The following ERH variants were observed in gnomAD, a reference collection of about 807,000 sequenced individuals.
ERH encodes ERH mRNA splicing and mitosis factor, also known as enhancer of rudimentary homolog.
ERH carries 1 observed loss-of-function variant against 16.8 expected under a neutral mutation model. That is an observed-to-expected ratio of 0.06 (90% CI 0.02 to 0.28). The LOEUF is 0.28. Among genes scored for constraint, ERH ranks in the 10% least tolerant of loss-of-function variants. ERH has a pLI of 1.00. For missense variants in ERH, 42 were observed against 127.5 expected (o/e 0.33, Z 3.23); for synonymous variants, 43 against 43.6 (o/e 0.99, Z 0.05).
At chr14:69,382,670 A>T in intron 3 of ERH, among the ~76,000 whole-genome samples, 1 of 100,876 alleles carries the variant, frequency 9.9e-6, no homozygotes, top group African/African-American at 3.9e-5. Context: ...CGTCTCCACC[A>T]AAAAAAAAAA....
intron 2 of ERH, among the ~76,000 whole-genome samples, chr14:69,394,106 A>G (rs1390356513): frequency 6.6e-6 from 1 of 152,152 alleles, no homozygotes; most frequent in East Asian, 1.9e-4. Context: ...TAAATCTATT[A>G]AAACAACCTA....
At chr14:69,392,139 C>A (rs1882227164) in intron 2 of ERH, among the ~76,000 whole-genome samples, 1 of 148,128 alleles carries the variant, frequency 6.8e-6, no homozygotes, top group Non-Finnish European at 1.5e-5. Context: ...TAAATAAAGT[C>A]TTTAACTGCT....
chr14:69,396,605 T>C (rs1882340791), intron 1 of ERH, among the ~76,000 whole-genome samples: 1 of 152,228 alleles, frequency 6.6e-6, no homozygotes, highest in African/African-American at 2.4e-5. Flanking sequence ...CAGAAATAGC[T>C]GAAGCCCAGA....
At position 69,381,129 on chromosome 14, in the gene ERH, A is replaced by G. The variant is rs141909473; in HGVS notation, c.213-489T>C. 5.6e-3 allele frequency among the ~76,000 whole-genome samples: 852 copies of G among 152,280 alleles called. 6 individuals carry two copies. Among genetic ancestry groups the G allele is most frequent in the African/African-American group, 0.019 (805 of 41,552 alleles). ...AAACCTTGTCTCTACTAAAATACAA[A>G]AATTAGCTGGGCATGGTGGTGCACG... On this transcript the variant is annotated intron_variant, in intron 3 of 3. Transcript: ENST00000557016.
Position 69,398,176 on chromosome 14 carries a change from G to A in ERH, c.3+55C>T, listed in dbSNP as rs1286729593. The A allele has an allele frequency of 1.9e-5, 31 of 1,610,862 alleles. No individual in the cohort carries two copies. In the East Asian group the frequency reaches 3.3e-4, roughly 17 times the overall value. The stretch of plus-strand genomic sequence containing the variant: ...GGGAGGGGAAAACGTATGGGGCTGG[G>A]GTCGCTCTGGAGGCCGGGGACTCGG... On this transcript the variant is annotated intron_variant, in intron 1 of 3. Coordinates refer to ENST00000557016, the MANE Select transcript of ERH (RefSeq NM_004450.3).
intron 3 of ERH, among the ~76,000 whole-genome samples, chr14:69,385,979 A>T (rs1032206536): frequency 6.6e-6 from 1 of 151,900 alleles, no homozygotes; most frequent in African/African-American, 2.4e-5. Flanking sequence ...CATGCTAGGC[A>T]CTCCTACTTC....
rs762077712 is a variant in ERH, at chr14:69,387,007, C to T, written c.168G>A (p.Gln56=). ...NSPSITYDIS[Q]LFDFIDDLAD... ...CCAGATCATCGATGAAATCAAACAA[C>T]TGACTGATGTCATATGTGATAGAGG... is the stretch of plus-strand genomic sequence containing the variant. Residue 56 remains glutamine, a synonymous_variant, in exon 3 of 4, where the codon CAG becomes CAA. Coordinates refer to ENST00000557016, the MANE Select transcript of ERH (RefSeq NM_004450.3). The T allele has an allele frequency of 6.2e-7, 1 of 1,613,556 alleles. No individual in the cohort carries two copies. The highest frequency in any genetic ancestry group is 1.7e-5 in the Admixed American group (1 of 60,026).
At chr14:69,387,479 G>A (rs901502400) in intron 2 of ERH, among the ~76,000 whole-genome samples, 10 of 152,130 alleles carry the variant, frequency 6.6e-5, no homozygotes, top group African/African-American at 2.4e-4. Context: ...AGAATCACTT[G>A]GCTGCAGTGA....
chr14:69,387,821 G>C (rs1409973379), intron 2 of ERH, among the ~76,000 whole-genome samples: 2 of 152,126 alleles, frequency 1.3e-5, no homozygotes, highest in African/African-American at 4.8e-5. Flanking sequence ...AAGGCGGGCG[G>C]ATCACGAGGT....
chr14:69,392,087 C>T (rs1051639819), intron 2 of ERH, among the ~76,000 whole-genome samples: 2 of 150,772 alleles, frequency 1.3e-5, no homozygotes, highest in African/African-American at 4.9e-5. Context: ...ACTTTCCAAA[C>T]AATTTTCCCA....
At chr14:69,383,019 A>T (rs975691024) in intron 3 of ERH, among the ~76,000 whole-genome samples, 1 of 152,342 alleles carries the variant, frequency 6.6e-6, no homozygotes, top group East Asian at 1.9e-4. Context: ...GTCTTCAGTG[A>T]TAACTTCTCT....
At chr14:69,383,983 A>T (rs61980358) in intron 3 of ERH, among the ~76,000 whole-genome samples, 1 of 152,100 alleles carries the variant, frequency 6.6e-6, no homozygotes, top group Non-Finnish European at 1.5e-5. Context: ...CCCTGTCTCT[A>T]AAATTTTTTT....
intron 3 of ERH, among the ~76,000 whole-genome samples, chr14:69,382,210 G>T (rs76442470): frequency 8.5e-5 from 13 of 152,142 alleles, no homozygotes; most frequent in Admixed American, 8.5e-4. Context: ...TGAACAGTAA[G>T]GTCACAATCT....
intron 3 of ERH, 97 bp from the exon 4 acceptor site, chr14:69,380,737 G>A: frequency 4.6e-6 from 3 of 650,582 alleles, no homozygotes; most frequent in South Asian, 1.9e-5. Context: ...GCATAGATGT[G>A]CACATTTCCA....
In ERH at chr14:69,394,847, T is replaced by C. The variant is rs1344677193; in HGVS notation, c.69A>G (p.Glu23=). 5.0e-6 allele frequency: 8 copies of C among 1,613,492 alleles called. No homozygotes were observed. Among genetic ancestry groups the C allele is most frequent in the Middle Eastern group, 1.6e-4 (1 of 6,082 alleles). Residue 23 remains glutamate (E), a synonymous_variant, in exon 2 of 4, where the codon GAA becomes GAG. Transcript: ENST00000557016. ...CACCTTCCATGCATTCATTCACAGA[T>C]TCGTAGTCAGCATAAGTTCTGCCTT... The part of the protein sequence containing the change: ...RPEGRTYADY[E]SVNECMEGVC...
At chr14:69,394,071 A>G (rs1173619018) in intron 2 of ERH, among the ~76,000 whole-genome samples, 1 of 152,106 alleles carries the variant, frequency 6.6e-6, no homozygotes, top group Admixed American at 6.6e-5. Flanking sequence ...ATATATCTAT[A>G]TAAGAAGACT....
chr14:69,397,916 T>A (rs1360140680), intron 1 of ERH: 4 of 532,072 alleles, frequency 7.5e-6, no homozygotes, highest in Non-Finnish European at 1.4e-5. Flanking sequence ...AGACTCTCTA[T>A]CTCAAAAAAC....
Position 69,380,591 on chromosome 14 carries a change from T to C in ERH, c.262A>G (p.Lys88Glu). The change falls in exon 4 of 4, where the codon AAA becomes GAA. Residue 88 changes from lysine to glutamate, a missense_variant. By Grantham distance (56) the Lys-to-Glu change is moderately conservative (BLOSUM62 1). Transcript: ENST00000557016. ...CGAAGGAGCACGTAGATCTTCTCTT[T>C]AATCCAGTCTTTGTTATAAGGCTGG... ...TYQPYNKDWI[K>E]EKIYVLLRRQ... 6.2e-7 allele frequency: 1 copy of C among 1,611,518 alleles called. No homozygotes were observed. Among genetic ancestry groups the C allele is most frequent in the Non-Finnish European group, 8.5e-7 (1 of 1,178,580 alleles).
At chr14:69,394,989 G>A in intron 1 of ERH, 77 bp from the exon 2 acceptor site, 1 of 1,013,912 alleles carries the variant, frequency 9.9e-7, no homozygotes, top group Non-Finnish European at 1.5e-6. Flanking sequence ...ATCCCCATTT[G>A]TAATGCAATA....
Sources: gnomAD v4.1 joint callset for allele counts (sites outside exome capture counted in the v4.1 genomes callset) on GRCh38, gnomAD v4.1.1 for gene constraint, MANE v1.5 for transcripts, NCBI Gene and HGNC (gene_info 2026-07-23, HGNC 2026-07-21) for gene names.